Variants in GNA12 observed in about 807,000 individuals in gnomAD.
The protein encoded by GNA12 is guanine nucleotide-binding protein subunit alpha-12.
In GNA12, 9 loss-of-function variants were observed where a neutral mutation model predicts 26.0. The ratio of observed to expected loss-of-function variants is 0.35; its 90% CI spans 0.21 to 0.60. The LOEUF (loss-of-function observed/expected upper bound fraction) is 0.60. Among genes scored for constraint, GNA12 ranks in the 20% least tolerant of loss-of-function variants. The probability of loss-of-function intolerance (pLI) is 0.78; values close to 1 mark genes in which losing one functional copy is unlikely to be tolerated. For missense variants in GNA12, 405 were observed against 525.8 expected (o/e 0.77, Z 2.25); for synonymous variants, 264 against 219.6 (o/e 1.20, Z -1.79).
intron 2 of GNA12, among the ~76,000 whole-genome samples, chr7:2,761,768 C>T (rs1156628566): frequency 3.9e-5 from 6 of 152,172 alleles, no homozygotes; most frequent in East Asian, 1.9e-4. Flanking sequence ...AAAAGAGCAT[C>T]GGCACTTCAC....
chr7:2,834,474 T>C (rs147938459), intron 1 of GNA12, among the ~76,000 whole-genome samples: 1 of 152,094 alleles, frequency 6.6e-6, no homozygotes, highest in Non-Finnish European at 1.5e-5. Flanking sequence ...GAGTGGAGAG[T>C]AGGGGCTCTG....
At chr7:2,813,367 A>C (rs1342964854) in intron 1 of GNA12, among the ~76,000 whole-genome samples, 1 of 152,180 alleles carries the variant, frequency 6.6e-6, no homozygotes, top group Non-Finnish European at 1.5e-5. Flanking sequence ...CCATAGTACC[A>C]ATTTCACTGG....
At chr7:2,780,091 T>A (rs1460712810) in intron 2 of GNA12, among the ~76,000 whole-genome samples, 2 of 136,936 alleles carry the variant, frequency 1.5e-5, no homozygotes, top group African/African-American at 2.7e-5. Context: ...TATATATATA[T>A]ATGCCTGTTT....
chr7:2,843,796 G>A lies in GNA12; in HGVS notation c.309+57C>T. The A allele has an allele frequency of 4.1e-6, 4 of 981,460 alleles. No homozygotes were observed. The South Asian group carries it at 8.5e-5, about 21-fold the overall frequency. 60.8% of individuals were successfully genotyped at this position (981,460 alleles called of 1,614,324 possible). ...GGCGGACCACGGAGGGGCCCGGGGC[G>A]GGGGTTAGCGCCCCGGCCCACCTGG... On this transcript the variant is annotated intron_variant, in intron 1 of 3. Coordinates refer to ENST00000275364, the MANE Select transcript of GNA12 (RefSeq NM_007353.3).
At position 2,762,695 on chromosome 7, in the gene GNA12, G is replaced by T. The variant is rs554278462; in HGVS notation, c.526-29194C>A. ...CATTTGGAAAGAAACCACGCTGCCC[G>T]GGTGGAGGAGCGCCAGAGGGAAGCA... is the stretch of plus-strand genomic sequence containing the variant. On this transcript the variant is annotated intron_variant, in intron 2 of 3. Coordinates refer to ENST00000275364, the MANE Select transcript of GNA12 (RefSeq NM_007353.3). 4 of 1,575,824 alleles carry T rather than the reference G, an allele frequency of 2.5e-6. No individual in the cohort carries two copies. The African/African-American group carries it at 5.4e-5, about 21-fold the overall frequency.
intron 2 of GNA12, among the ~76,000 whole-genome samples, chr7:2,771,799 G>A (rs1307253854): frequency 6.6e-6 from 1 of 151,818 alleles, no homozygotes; most frequent in Admixed American, 6.5e-5. Context: ...ATATCTACAT[G>A]TGGAAGGGCT....
chr7:2,747,414 C>T (rs560560657), intron 2 of GNA12, among the ~76,000 whole-genome samples: 6 of 152,296 alleles, frequency 3.9e-5, no homozygotes, highest in Admixed American at 1.3e-4. Flanking sequence ...GAACCAAAGA[C>T]AAAAACCACA....
At chr7:2,794,101 ACAC>A (rs1012970673) in intron 2 of GNA12, among the ~76,000 whole-genome samples, 3 of 152,166 alleles carry the variant, frequency 2.0e-5, no homozygotes, top group Non-Finnish European at 4.4e-5. Flanking sequence ...TATATACTAT[ACAC>A]TAAGAAATGA....
intron 1 of GNA12, among the ~76,000 whole-genome samples, chr7:2,832,980 G>C (rs1043473858): frequency 1.4e-4 from 22 of 152,154 alleles, no homozygotes; most frequent in African/African-American, 4.8e-4. Context: ...CAGGATACAA[G>C]TCATGTTTTC....
In GNA12 at chr7:2,730,777, G is replaced by A. The variant is rs976320344; in HGVS notation, c.*404C>T. 2.4e-5 allele frequency: 4 copies of A among 167,376 alleles called. No homozygotes were observed. The highest frequency in any genetic ancestry group is 1.7e-4 in the South Asian group (1 of 5,806). 10.4% of individuals were successfully genotyped at this position (167,376 alleles called of 1,614,324 possible). ...GGAAGACTTGTGAGTTAGAAAAGCC[G>A]TCTGCAAGGCCAGCTGGTTTTTGTG... On this transcript the variant is annotated 3_prime_UTR_variant, in exon 4 of 4. Coordinates refer to ENST00000275364, the MANE Select transcript of GNA12 (RefSeq NM_007353.3).
At chr7:2,773,612 CA>C (rs1285021373) in intron 2 of GNA12, among the ~76,000 whole-genome samples, 11 of 152,218 alleles carry the variant, frequency 7.2e-5, no homozygotes, top group African/African-American at 2.6e-4. Flanking sequence ...ACACGGCCAC[CA>C]GAATGGCTAT....
intron 1 of GNA12, chr7:2,835,728 G>A: frequency 3.3e-6 from 3 of 920,074 alleles, no homozygotes; most frequent in Non-Finnish European, 5.3e-6. Context: ...TCACAGAGCT[G>A]AAGGAAGAAA....
intron 1 of GNA12, among the ~76,000 whole-genome samples, chr7:2,804,139 T>C (rs1210536602): frequency 6.6e-6 from 1 of 152,070 alleles, no homozygotes; most frequent in Non-Finnish European, 1.5e-5. Flanking sequence ...ACACACAAAA[T>C]ATCATTCTAA....
At chr7:2,802,279 T>TG (rs1792829608) in intron 1 of GNA12, among the ~76,000 whole-genome samples, 1 of 151,744 alleles carries the variant, frequency 6.6e-6, no homozygotes, top group African/African-American at 2.4e-5. Flanking sequence ...CTCAATACAA[T>TG]GTCACACTTC....
At chr7:2,835,680 A>G in intron 1 of GNA12, 1 of 1,048,962 alleles carries the variant, frequency 9.5e-7, no homozygotes, top group South Asian at 1.3e-5. Context: ...TCGAAGAGCA[A>G]CAAAAGATAA....
Position 2,728,870 on chromosome 7 carries a change from G to C in GNA12, c.*2311C>G, listed in dbSNP as rs1477514047. ...GAGGAGGAGGAGGAAGTCCAGCTCAGCAAGGCCAAGTGCCTCGGCCAGGGC... is the reference window on the plus strand; with the variant it reads ...GAGGAGGAGGAGGAAGTCCAGCTCACCAAGGCCAAGTGCCTCGGCCAGGGC... On this transcript the variant is annotated 3_prime_UTR_variant, in exon 4 of 4. Coordinates refer to ENST00000275364, the MANE Select transcript of GNA12 (RefSeq NM_007353.3). The C allele has an allele frequency of 6.6e-6, 1 of 152,438 alleles. No homozygotes were observed. The highest frequency in any genetic ancestry group is 1.5e-5 in the Non-Finnish European group (1 of 68,068). 9.4% of individuals were successfully genotyped at this position (152,438 alleles called of 1,614,324 possible).
intron 1 of GNA12, among the ~76,000 whole-genome samples, chr7:2,842,976 T>C (rs1779043535): frequency 6.6e-6 from 1 of 152,234 alleles, no homozygotes; most frequent in Non-Finnish European, 1.5e-5. Flanking sequence ...TACTATTTTC[T>C]CTACTTTTGT....
At chr7:2,738,885 CCT>C (rs1271409977) in intron 2 of GNA12, among the ~76,000 whole-genome samples, 1 of 152,140 alleles carries the variant, frequency 6.6e-6, no homozygotes, top group Non-Finnish European at 1.5e-5. Context: ...GGAGCTGGCC[CCT>C]GACTCTGGCC....
intron 1 of GNA12, among the ~76,000 whole-genome samples, chr7:2,831,364 C>T (rs1055510321): frequency 2.6e-5 from 4 of 152,010 alleles, no homozygotes; most frequent in Admixed American, 1.3e-4. Flanking sequence ...AAAACAGTTC[C>T]TCTCCCCACC....
Sources: allele counts gnomAD v4.1 joint callset (sites outside exome capture counted in the v4.1 genomes callset), GRCh38; gene constraint gnomAD v4.1.1; transcripts MANE v1.5; gene names NCBI Gene and HGNC (gene_info 2026-07-23, HGNC 2026-07-21).